Variants in WDR17 observed in about 807,000 individuals in gnomAD.
WDR17 encodes WD repeat domain 17.
WDR17 carries 143 observed loss-of-function variants against 161.7 expected under a neutral mutation model. The observed-to-expected ratio is 0.88, with a 90% CI of 0.77 to 1.02. WDR17 has a LOEUF of 1.02. Ranked by LOEUF, WDR17 falls within the 50% of genes least tolerant of loss-of-function variation. WDR17 has a pLI of 0.00. For synonymous variants in WDR17, 517 were observed against 515.6 expected, an observed-to-expected ratio of 1.00 and a Z score of -0.04; for missense variants, 1,469 against 1,520.9, an observed-to-expected ratio of 0.97 and a Z score of 0.57.
intron 8 of WDR17, among the ~76,000 whole-genome samples, chr4:176,137,208 G>A (rs1744555484): frequency 6.6e-6 from 1 of 151,448 alleles, no homozygotes; most frequent in South Asian, 2.1e-4. Flanking sequence ...AGAAGTCCCT[G>A]TCTTTTAGAG....
At chr4:176,103,318 A>C (rs976432636) in intron 1 of WDR17, among the ~76,000 whole-genome samples, 2 of 152,146 alleles carry the variant, frequency 1.3e-5, no homozygotes, top group African/African-American at 4.8e-5. Flanking sequence ...AACAATAAAT[A>C]AAAACAAAAA....
At chr4:176,156,936 G>C (rs1395748102) in intron 18 of WDR17, among the ~76,000 whole-genome samples, 1 of 152,068 alleles carries the variant, frequency 6.6e-6, no homozygotes, top group African/African-American at 2.4e-5. Context: ...GTGTCTCTGT[G>C]CCCAGATTTC....
At chr4:176,125,712 C>G (rs1279608359) in intron 5 of WDR17, among the ~76,000 whole-genome samples, 1 of 152,078 alleles carries the variant, frequency 6.6e-6, no homozygotes, top group African/African-American at 2.4e-5. Context: ...AAACAATTAC[C>G]TGATGGGAGC....
chr4:176,088,281 C>T (rs1182527438), intron 1 of WDR17, among the ~76,000 whole-genome samples: 1 of 152,038 alleles, frequency 6.6e-6, no homozygotes, highest in Non-Finnish European at 1.5e-5. Context: ...TATACTTTGT[C>T]ACTAAAAACT....
intron 1 of WDR17, among the ~76,000 whole-genome samples, chr4:176,069,696 T>C (rs894193600): frequency 1.3e-5 from 2 of 152,158 alleles, no homozygotes; most frequent in Non-Finnish European, 2.9e-5. Context: ...GGCAGACTCA[T>C]TTACAATGAT....
rs1579252744 is a variant in WDR17 at position 176,168,714 on chromosome 4, A to C, written c.3033A>C (p.Glu1011Asp). Residue 1011 changes from glutamate to aspartate, a missense_variant, in exon 23 of 29, where the codon GAA (glutamate) becomes GAC (aspartate). Glu to Asp is a conservative substitution (Grantham distance 45, BLOSUM62 2). Coordinates refer to ENST00000508596, the MANE Select transcript of WDR17 (RefSeq NM_181265.4). ...TTCTTCTGATGATTCCTGATAATGA[A>C]CTACATTTAATAAAACTCTGTGCTT... ...ADLLLMIPDN[E>D]LHLIKLCAFY... 1 of 1,613,568 alleles carries C rather than the reference A, an allele frequency of 6.2e-7. No homozygotes were observed. Among genetic ancestry groups the C allele is most frequent in the Non-Finnish European group, 8.5e-7 (1 of 1,179,786 alleles).
rs1425161402 is a variant in WDR17, at chr4:176,066,009, T to A, written c.-77T>A. 1.3e-5 allele frequency: 2 copies of A among 152,044 alleles called. No homozygotes were observed. The highest frequency in any genetic ancestry group is 4.8e-5 in the African/African-American group (2 of 41,406). The allele number at this position is 152,044 out of a possible 1,614,324, so 9.4% of individuals were successfully genotyped here. ...GGGAGGGTCCGCGCGTTGGTGGTGC[T>A]CGCCTCGCAGCTGCGCCCGCCGGCT... On this transcript the variant is annotated 5_prime_UTR_variant, in exon 1 of 29. Coordinates refer to ENST00000508596, the MANE Select transcript of WDR17 (RefSeq NM_181265.4).
chr4:176,132,848 A>T (rs1374612880), intron 7 of WDR17, among the ~76,000 whole-genome samples: 1 of 150,908 alleles, frequency 6.6e-6, no homozygotes, highest in South Asian at 2.1e-4. Context: ...TTAAATCTAT[A>T]AAAAAAAACT....
intron 13 of WDR17, 28 bp from the exon 14 acceptor site, chr4:176,149,779 A>T: frequency 6.2e-7 from 1 of 1,605,350 alleles, no homozygotes; most frequent in Non-Finnish European, 8.5e-7. Flanking sequence ...TGTTCACTTT[A>T]CTTAAAATAG....
intron 13 of WDR17, among the ~76,000 whole-genome samples, chr4:176,149,329 G>A (rs1174975655): frequency 2.0e-5 from 3 of 151,712 alleles, no homozygotes; most frequent in Non-Finnish European, 2.9e-5. Context: ...GTGTACAGTG[G>A]CGCAAACACA....
chr4:176,135,025 C>T, intron 7 of WDR17, 83 bp from the exon 8 acceptor site: 1 of 1,389,358 alleles, frequency 7.2e-7, no homozygotes, highest in Non-Finnish European at 1.0e-6. Context: ...ATACATGTGT[C>T]AATTTGAGTA....
intron 1 of WDR17, chr4:176,096,520 A>G (rs374795466): frequency 1.2e-5 from 19 of 1,603,200 alleles, no homozygotes; most frequent in Non-Finnish European, 1.6e-5. Flanking sequence ...GAAACATTCT[A>G]TGGCTTGGAT....
intron 28 of WDR17, among the ~76,000 whole-genome samples, chr4:176,178,252 A>G (rs1022202417): frequency 1.3e-5 from 2 of 152,156 alleles, no homozygotes; most frequent in Non-Finnish European, 2.9e-5. Flanking sequence ...AAACATAACC[A>G]GTATCTTCCA....
chr4:176,159,263 A>G (rs1748629209), intron 18 of WDR17, among the ~76,000 whole-genome samples: 1 of 53,560 alleles, frequency 1.9e-5, no homozygotes, highest in Non-Finnish European at 4.1e-5. Context: ...ATGGGAAGAT[A>G]CACACACACA....
intron 1 of WDR17, among the ~76,000 whole-genome samples, chr4:176,106,310 C>T (rs942872376): frequency 1.3e-5 from 2 of 151,732 alleles, no homozygotes; most frequent in Non-Finnish European, 2.9e-5. Flanking sequence ...AAAATAGAGA[C>T]TTCAGAACTA....
intron 25 of WDR17, among the ~76,000 whole-genome samples, chr4:176,174,302 C>T (rs1751157437): frequency 6.6e-6 from 1 of 152,090 alleles, no homozygotes; most frequent in African/African-American, 2.4e-5. Flanking sequence ...CCAGGACTCC[C>T]TCCACCTGAC....
At chr4:176,177,297 C>A in intron 27 of WDR17, 141 bp downstream of exon 27, 1 of 962,526 alleles carries the variant, frequency 1.0e-6, no homozygotes, top group Non-Finnish European at 1.5e-6. Flanking sequence ...TAATAATTTA[C>A]AATACCGTAC....
chr4:176,068,131 A>G (rs1431879684), intron 1 of WDR17: 9 of 152,324 alleles, frequency 5.9e-5, no homozygotes, highest in East Asian at 1.9e-4. Flanking sequence ...GCTATTCATG[A>G]TAATTATGTA....
chr4:176,166,619 A>G (rs1246182639), intron 22 of WDR17, among the ~76,000 whole-genome samples: 3 of 152,194 alleles, frequency 2.0e-5, no homozygotes, highest in African/African-American at 7.2e-5. Context: ...TAAGAAAGTC[A>G]AATTTTGTCT....
Sources: gnomAD v4.1 joint callset for allele counts (sites outside exome capture counted in the v4.1 genomes callset) on GRCh38, gnomAD v4.1.1 for gene constraint, MANE v1.5 for transcripts, NCBI Gene and HGNC (gene_info 2026-07-23, HGNC 2026-07-21) for gene names.